Variants in FCRL5 observed in about 807,000 individuals in gnomAD.
FCRL5 encodes the protein Fc receptor-like protein 5.
In FCRL5, 79 loss-of-function variants were observed where a neutral mutation model predicts 92.1. That is an observed-to-expected ratio of 0.86 (90% CI 0.72 to 1.03). The LOEUF is 1.03. FCRL5 is among the 50% of genes least tolerant of loss of function. The pLI is 0.00. For missense variants in FCRL5, 1,160 were observed against 1,181.1 expected, an observed-to-expected ratio of 0.98 and a Z score of 0.26; for synonymous variants, 466 against 469.3, an observed-to-expected ratio of 0.99 and a Z score of 0.09.
chr1:157,546,887 G>A, intron 3 of FCRL5, 56 bp downstream of exon 3: 1 of 1,580,472 alleles, frequency 6.3e-7, no homozygotes, highest in Non-Finnish European at 8.6e-7. Context: ...AACAGCTAGA[G>A]AGAAACATGG....
intron 1 of FCRL5, 104 bp from the exon 2 acceptor site, chr1:157,549,684 A>G: frequency 1.0e-6 from 1 of 967,524 alleles, no homozygotes; most frequent in South Asian, 1.7e-5. Flanking sequence ...GTCCCTTTAA[A>G]AAATTCATTT....
chr1:157,546,241 A>T (rs1181086502), intron 3 of FCRL5: 3 of 454,136 alleles, frequency 6.6e-6, no homozygotes, highest in Middle Eastern at 4.1e-4. Flanking sequence ...TGAGCCCAGG[A>T]GTTCAACATT....
rs1272606671 is a variant in FCRL5, at chr1:157,539,232, G to T, written c.1256C>A (p.Ala419Asp). Reference sequence around the variant, plus strand: ...GTTGGCCGACCTACGCTCCAGGGCAGCACCCTCATGATGAAACTGGTACAG... The same window carrying T: ...GTTGGCCGACCTACGCTCCAGGGCATCACCCTCATGATGAAACTGGTACAG... ...PILYQFHHEG[A>D]ALERRSANSA... is the part of the protein sequence containing the mutation. Residue 419 changes from alanine (A) to aspartate (D), a missense_variant, in exon 7 of 17, where the codon GCT becomes GAT. By Grantham distance (126) the Ala-to-Asp change is moderately radical (BLOSUM62 -2). Transcript: ENST00000361835. 1 of 1,614,178 alleles carries T rather than the reference G, an allele frequency of 6.2e-7. No individual in the cohort carries two copies. Among genetic ancestry groups the T allele is most frequent in the Admixed American group, 1.7e-5 (1 of 60,012 alleles).
chr1:157,548,541 A>C (rs557680380), intron 2 of FCRL5, among the ~76,000 whole-genome samples: 10 of 152,246 alleles, frequency 6.6e-5, no homozygotes, highest in Non-Finnish European at 1.3e-4. Context: ...CTCATTTGAC[A>C]AAGGGCTAAT....
At chr1:157,541,555 C>T (rs1318050961) in intron 6 of FCRL5, among the ~76,000 whole-genome samples, 3 of 152,234 alleles carry the variant, frequency 2.0e-5, no homozygotes, top group Non-Finnish European at 4.4e-5. Flanking sequence ...CCTCCCTCAC[C>T]ACAATCCTCT....
chr1:157,544,045 T>C (rs1484752967), intron 5 of FCRL5, among the ~76,000 whole-genome samples: 1 of 152,138 alleles, frequency 6.6e-6, no homozygotes, highest in Non-Finnish European at 1.5e-5. Flanking sequence ...TTTAATGGCA[T>C]TGAAAGAAAA....
intron 2 of FCRL5, 74 bp downstream of exon 2, chr1:157,549,486 C>T: frequency 7.3e-7 from 1 of 1,377,460 alleles, no homozygotes; most frequent in Non-Finnish European, 1.0e-6. Context: ...GCAGCCATCA[C>T]AAATGTTTTC....
intron 9 of FCRL5, among the ~76,000 whole-genome samples, chr1:157,527,207 T>C (rs1650469998): frequency 6.6e-6 from 1 of 152,198 alleles, no homozygotes; most frequent in Non-Finnish European, 1.5e-5. Flanking sequence ...GAGAGAAATG[T>C]GTGAGCCAAT....
At position 157,539,078 on chromosome 1, in the gene FCRL5, G is replaced by C. The variant is rs1158543288; in HGVS notation, c.1402+8C>G. 1.2e-6 allele frequency: 2 copies of C among 1,611,182 alleles called. No individual in the cohort carries two copies. Among genetic ancestry groups the C allele is most frequent in the Non-Finnish European group, 1.7e-6 (2 of 1,178,872 alleles). On this transcript the variant is annotated splice_region_variant and intron_variant, in intron 7 of 16. Transcript: ENST00000361835. ...GGGGTGGGTGATTGGCAGGAACCCA[G>C]GGCTTACCAGTGACGGAGAGGCTCA...
rs373716546 is a variant in FCRL5 at position 157,531,207 on chromosome 1, G to T, written c.1682-3312C>A. Among the ~76,000 whole-genome samples, 188 of 152,108 alleles carry T rather than the reference G, an allele frequency of 1.2e-3. 2 individuals carry two copies. Among genetic ancestry groups the T allele is most frequent in the Middle Eastern group, 6.8e-3 (2 of 294 alleles). On this transcript the variant is annotated intron_variant, in intron 8 of 16. Transcript: ENST00000361835. The stretch of plus-strand genomic sequence containing the variant: ...AAGAAGACATAAAAATGGACAACAG[G>T]TACATGAAAAAAATGGTCAATATCA...
At chr1:157,535,818 C>T (rs1406467672) in intron 7 of FCRL5, among the ~76,000 whole-genome samples, 1 of 152,072 alleles carries the variant, frequency 6.6e-6, no homozygotes, top group African/African-American at 2.4e-5. Context: ...AATACTGAGG[C>T]CCCGAGTGGT....
intron 10 of FCRL5, 21 bp downstream of exon 10, chr1:157,524,258 T>C (rs570042798): frequency 6.2e-7 from 1 of 1,613,568 alleles, no homozygotes; most frequent in East Asian, 2.2e-5. Flanking sequence ...GATGTGCTGC[T>C]GGTGGGCAGG....
In FCRL5 at chr1:157,549,380, A is replaced by G. The variant is rs1651706096; in HGVS notation, c.52+180T>C. Among the ~76,000 whole-genome samples the G allele has an allele frequency of 5.9e-5, 9 of 152,278 alleles. No homozygotes were observed. The South Asian group carries it at 1.4e-3, about 25-fold the overall frequency. On this transcript the variant is annotated intron_variant, in intron 2 of 16. Transcript: ENST00000361835. ...CAGCGCACCAACATGGCACATGTATACATATATAACAAACCTGCACGTTGT... is the reference window on the plus strand; with the variant it reads ...CAGCGCACCAACATGGCACATGTATGCATATATAACAAACCTGCACGTTGT...
rs1171708593 is a variant in FCRL5 at position 157,542,960 on chromosome 1, A to G, written c.1022T>C (p.Ile341Thr). 48 of 1,614,088 alleles carry G rather than the reference A, an allele frequency of 3.0e-5. No individual in the cohort carries two copies. The highest frequency in any genetic ancestry group is 3.8e-5 in the Non-Finnish European group (45 of 1,180,044). Residue 341 changes from isoleucine to threonine, a missense_variant, in exon 6 of 17, where the codon ATC becomes ACC. Ile to Thr is a moderately conservative substitution (Grantham distance 89). Coordinates refer to ENST00000361835, the MANE Select transcript of FCRL5 (RefSeq NM_031281.3). ...KSVRCERGAS[I>T]SFSLTTENSG... The stretch of plus-strand genomic sequence containing the variant: ...ATTCTCTGTAGTCAGTGAGAAGCTG[A>G]TGGATGCTCCCCTTTCACAGCGGAC...
chr1:157,543,940 G>C (rs763387783), intron 5 of FCRL5, among the ~76,000 whole-genome samples: 8 of 152,046 alleles, frequency 5.3e-5, no homozygotes, highest in Non-Finnish European at 1.2e-4. Flanking sequence ...GAGTCAGAGA[G>C]CTATGCCACA....
At position 157,516,001 on chromosome 1, in the gene FCRL5, C is replaced by T. The variant is rs1032769802; in HGVS notation, c.2813-128G>A. On this transcript the variant is annotated intron_variant, in intron 15 of 16. Coordinates refer to ENST00000361835, the MANE Select transcript of FCRL5 (RefSeq NM_031281.3). ...CCCTCTGTGCGGTGAGTAGCCATTC[C>T]TCTTAGTTGGTGCTCACCCAGTCCC... 13 of 1,006,512 alleles carry T rather than the reference C, an allele frequency of 1.3e-5. No individual in the cohort carries two copies. In the South Asian group the frequency reaches 1.6e-4, roughly 13 times the overall value. 62.3% of individuals were successfully genotyped at this position (1,006,512 alleles called of 1,614,324 possible).
chr1:157,517,971 T>C (rs1020374270), intron 15 of FCRL5, among the ~76,000 whole-genome samples: 3 of 152,082 alleles, frequency 2.0e-5, no homozygotes, highest in Admixed American at 1.3e-4. Flanking sequence ...GAGTCATCTG[T>C]CTGGAAAATG....
At chr1:157,521,365 C>A in intron 10 of FCRL5, 73 bp from the exon 11 acceptor site, 1 of 1,486,986 alleles carries the variant, frequency 6.7e-7, no homozygotes, top group South Asian at 1.4e-5. Context: ...GTATCATAAA[C>A]AAATGTAAAA....
At chr1:157,544,733 G>T in intron 4 of FCRL5, 98 bp downstream of exon 4, 1 of 1,511,838 alleles carries the variant, frequency 6.6e-7, no homozygotes, top group Non-Finnish European at 9.1e-7. Flanking sequence ...CTGTGGTTTA[G>T]TGGTATTCCA....
Sources: gnomAD v4.1 joint callset for allele counts (sites outside exome capture counted in the v4.1 genomes callset) on GRCh38, gnomAD v4.1.1 for gene constraint, MANE v1.5 for transcripts, NCBI Gene and HGNC (gene_info 2026-07-23, HGNC 2026-07-21) for gene names.